COPE: variants seen among roughly 807,000 people sequenced by gnomAD.
COPE encodes coat protein complex I subunit epsilon.
Under a neutral mutation model 42.1 loss-of-function variants are expected in COPE, and 19 were observed. That is an observed-to-expected ratio of 0.45 (90% CI 0.31 to 0.66). The LOEUF (loss-of-function observed/expected upper bound fraction) is 0.66. Ranked by LOEUF, COPE falls within the 30% of genes least tolerant of loss-of-function variation. The pLI, the probability that COPE is intolerant of heterozygous loss-of-function variation, is 0.05. For synonymous variants in COPE, 195 were observed against 181.3 expected (o/e 1.08, Z -0.60); for missense variants, 402 against 416.1 (o/e 0.97, Z 0.30).
intron 4 of COPE, chr19:18,906,633 CTG>C (rs1379306786): frequency 4.2e-6 from 1 of 235,672 alleles, no homozygotes; most frequent in Non-Finnish European, 8.2e-6. Context: ...GCCTGAGAGA[CTG>C]GGCCCAGGGC....
chr19:18,917,972 C>T (rs2056870005), intron 1 of COPE, among the ~76,000 whole-genome samples: 1 of 151,682 alleles, frequency 6.6e-6, no homozygotes, highest in African/African-American at 2.4e-5. Context: ...GGGCAGATCA[C>T]AAGGTCAAGA....
intron 2 of COPE, chr19:18,911,289 A>C: frequency 1.8e-6 from 1 of 571,142 alleles, no homozygotes; most frequent in Non-Finnish European, 3.2e-6. Flanking sequence ...CACACTGCCC[A>C]TGCCTTGAGC....
intron 7 of COPE, 41 bp from the exon 8 acceptor site, chr19:18,900,490 T>G (rs1457649778): frequency 6.7e-7 from 1 of 1,493,382 alleles, no homozygotes; most frequent in Non-Finnish European, 9.1e-7. Context: ...GGTCAGCCAC[T>G]CCAGCCCCCA....
intron 4 of COPE, chr19:18,906,060 T>G (rs2056756420): frequency 2.5e-6 from 1 of 403,900 alleles, no homozygotes; most frequent in Admixed American, 4.4e-5. Flanking sequence ...CCCTCATCCC[T>G]CTCAGCCCCA....
chr19:18,905,948 A>C, intron 4 of COPE: 1 of 501,206 alleles, frequency 2.0e-6, no homozygotes, highest in Non-Finnish European at 3.5e-6. Context: ...GGAGGCATCA[A>C]CACTCAGGAA....
At chr19:18,916,944 CAAAA>C (rs34497308) in intron 1 of COPE, among the ~76,000 whole-genome samples, 4 of 68,692 alleles carry the variant, frequency 5.8e-5, no homozygotes, top group Non-Finnish European at 1.1e-4. Flanking sequence ...GATCCTGTCT[CAAAA>C]AAAAAAAAAA....
intron 5 of COPE, 23 bp downstream of exon 5, chr19:18,905,553 T>C: frequency 6.3e-7 from 1 of 1,580,322 alleles, no homozygotes; most frequent in Non-Finnish European, 8.5e-7. Context: ...TCAGTGCGGG[T>C]GGAGAGGGGC....
At chr19:18,903,521 G>C in intron 6 of COPE, 98 bp from the exon 7 acceptor site, 1 of 1,378,574 alleles carries the variant, frequency 7.3e-7, no homozygotes, top group East Asian at 2.7e-5. Flanking sequence ...GCACTGCACA[G>C]AGACGAATCT....
chr19:18,911,743 G>A (rs1406399507), intron 2 of COPE, among the ~76,000 whole-genome samples: 38 of 151,614 alleles, frequency 2.5e-4, no homozygotes, highest in Non-Finnish European at 4.9e-4. Context: ...TAGTAGAGAC[G>A]GGGTTTCACT....
rs2056804632 is a variant in COPE, at chr19:18,910,994, G to A, written c.267C>T (p.Asp89=). The change falls in exon 3 of 10, where the codon GAC becomes GAT. Residue 89 remains aspartate, a synonymous_variant. Coordinates refer to ENST00000262812, the MANE Select transcript of COPE (RefSeq NM_007263.4). ...PELQAVRMFA[D]YLAHESRRDS... is the part of the protein sequence containing the mutation. ...ACCTCCGACTCTCGTGGGCGAGGTA[G>A]TCAGCAAACATGCGCACGGCCTGGA... 3 of 1,613,896 alleles carry A rather than the reference G, an allele frequency of 1.9e-6. No homozygotes were observed. The highest frequency in any genetic ancestry group is 2.5e-6 in the Non-Finnish European group (3 of 1,180,040).
chr19:18,912,118 A>G (rs1424070916), intron 2 of COPE, among the ~76,000 whole-genome samples: 1 of 152,028 alleles, frequency 6.6e-6, no homozygotes, highest in Non-Finnish European at 1.5e-5. Flanking sequence ...AAGTGCTGGG[A>G]TTACAGGCGT....
chr19:18,914,169 G>T (rs761553268), intron 1 of COPE, among the ~76,000 whole-genome samples: 24 of 152,174 alleles, frequency 1.6e-4, no homozygotes, highest in Non-Finnish European at 2.1e-4. Flanking sequence ...CATGCGGAGG[G>T]TGGTGGCTGC....
intron 5 of COPE, among the ~76,000 whole-genome samples, chr19:18,905,080 C>T (rs1296003057): frequency 3.3e-5 from 5 of 152,018 alleles, no homozygotes; most frequent in African/African-American, 1.2e-4. Flanking sequence ...CCAGGGTGGC[C>T]ACCACAAGGT....
chr19:18,914,517 G>A (rs896018922), intron 1 of COPE, among the ~76,000 whole-genome samples: 1 of 151,900 alleles, frequency 6.6e-6, no homozygotes, highest in Non-Finnish European at 1.5e-5. Flanking sequence ...CTCCAGCCTA[G>A]GTGACAGAGC....
At position 18,903,474 on chromosome 19, in the gene COPE, C is replaced by A. The variant is rs902935567; in HGVS notation, c.580-51G>T. 1.9e-6 allele frequency: 3 copies of A among 1,540,880 alleles called. No individual in the cohort carries two copies. In the South Asian group the frequency reaches 3.7e-5, roughly 19 times the overall value. ...CCTGTGCCCCTGCTGCCCGGCCCTT[C>A]CCCCGCCAGCCCCCTCCCCTAGCGG... On this transcript the variant is annotated intron_variant, in intron 6 of 9. Transcript: ENST00000262812.
chr19:18,915,200 G>A (rs1217819479), intron 1 of COPE, among the ~76,000 whole-genome samples: 1 of 152,096 alleles, frequency 6.6e-6, no homozygotes, highest in Non-Finnish European at 1.5e-5. Context: ...GTGACAGAGT[G>A]AGACCCTGTC....
At position 18,911,006 on chromosome 19, in the gene COPE, G is replaced by T; in HGVS notation, c.255C>A (p.Arg85=). The T allele has an allele frequency of 1.2e-6, 2 of 1,614,028 alleles. No individual in the cohort carries two copies. Among genetic ancestry groups the T allele is most frequent in the Non-Finnish European group, 1.7e-6 (2 of 1,180,026 alleles). Residue 85 remains arginine, a synonymous_variant, in exon 3 of 10, where the codon CGC becomes CGA. Transcript: ENST00000262812. ...CGTGGGCGAGGTAGTCAGCAAACAT[G>T]CGCACGGCCTGGAGCTCAGGGGCCG... The part of the protein sequence containing the change: ...PSSAPELQAV[R]MFADYLAHES...
chr19:18,913,457 G>A (rs370321220), intron 1 of COPE, among the ~76,000 whole-genome samples: 2 of 152,212 alleles, frequency 1.3e-5, no homozygotes, highest in Admixed American at 6.5e-5. Flanking sequence ...CCTGGCCAGG[G>A]GAGACCCTGG....
intron 8 of COPE, 29 bp downstream of exon 8, chr19:18,900,352 G>T: frequency 6.5e-7 from 1 of 1,534,180 alleles, no homozygotes; most frequent in Non-Finnish European, 8.8e-7. Context: ...GGACATTAGG[G>T]TTGGCCTGGA....
Sources: gnomAD v4.1 joint callset for allele counts (sites outside exome capture counted in the v4.1 genomes callset) on GRCh38, gnomAD v4.1.1 for gene constraint, MANE v1.5 for transcripts, NCBI Gene and HGNC (gene_info 2026-07-23, HGNC 2026-07-21) for gene names.